Variants in AIMP1 observed in about 807,000 individuals in gnomAD.
AIMP1 encodes the protein aminoacyl tRNA synthase complex-interacting multifunctional protein 1.
A neutral mutation model predicts 33.1 loss-of-function variants in AIMP1; 24 were observed. That is an observed-to-expected ratio of 0.73 (90% CI 0.53 to 1.02). The LOEUF (loss-of-function observed/expected upper bound fraction) is 1.02, where lower values mean the gene tolerates loss of function less well. Among genes scored for constraint, AIMP1 ranks in the 50% least tolerant of loss-of-function variants. The pLI, the probability that AIMP1 is intolerant of heterozygous loss-of-function variation, is 0.00. For synonymous variants in AIMP1, 120 were observed against 121.5 expected, an observed-to-expected ratio of 0.99 and a Z score of 0.08; for missense variants, 367 against 364.8, an observed-to-expected ratio of 1.01 and a Z score of -0.05.
At chr4:106,330,090 C>T (rs1769617458) in intron 4 of AIMP1, among the ~76,000 whole-genome samples, 1 of 151,982 alleles carries the variant, frequency 6.6e-6, no homozygotes, top group South Asian at 2.1e-4. Flanking sequence ...GCTAGACTGC[C>T]ACATATCTTA....
intron 1 of AIMP1, among the ~76,000 whole-genome samples, chr4:106,317,839 A>G (rs1292602011): frequency 6.6e-6 from 1 of 152,188 alleles, no homozygotes; most frequent in Non-Finnish European, 1.5e-5. Context: ...GTTAGGGTAT[A>G]TTATAGGTAT....
chr4:106,318,513 A>G (rs1579623730), intron 1 of AIMP1, among the ~76,000 whole-genome samples: 1 of 152,300 alleles, frequency 6.6e-6, no homozygotes, highest in East Asian at 1.9e-4. Flanking sequence ...GAGGAGAAGA[A>G]AGGAAGAAAA....
intron 6 of AIMP1, among the ~76,000 whole-genome samples, chr4:106,341,692 C>A (rs562798705): frequency 3.3e-5 from 5 of 151,976 alleles, no homozygotes; most frequent in African/African-American, 7.3e-5. Context: ...GTTACTGTAG[C>A]CTTGTAGTAT....
rs1222040543 is a variant in AIMP1 at position 106,347,526 on chromosome 4, G to C, written c.773G>C (p.Gly258Ala). 2 of 1,612,300 alleles carry C rather than the reference G, an allele frequency of 1.2e-6. No individual in the cohort carries two copies. Among genetic ancestry groups the C allele is most frequent in the African/African-American group, 2.7e-5 (2 of 74,768 alleles). The change falls in exon 7 of 7, where the codon GGA becomes GCA. Residue 258 changes from glycine (G) to alanine (A), a missense_variant and splice_region_variant. Transcript: ENST00000672341. The part of the protein sequence containing the change: ...GDRITFDAFP[G>A]EPDKELNPKK... The stretch of plus-strand genomic sequence containing the variant: ...CTTGTGCTTTTTTTCTCCTACACAG[G>C]AGAGCCTGACAAGGAGCTGAATCCT...
At position 106,343,838 on chromosome 4, in the gene AIMP1, G is replaced by T. The variant is rs554935707; in HGVS notation, c.773-3688G>T. ...TTACAGTCAGACTTTTAATTTCCAA[G>T]ATCATGCTTATTTCTATTGATATCG... On this transcript the variant is annotated intron_variant, in intron 6 of 6. Transcript: ENST00000672341. Among the ~76,000 whole-genome samples, 7 of 152,236 alleles carry T rather than the reference G, an allele frequency of 4.6e-5. 1 individual carries two copies. The highest frequency in any genetic ancestry group is 1.7e-4 in the African/African-American group (7 of 41,528).
rs115610937 is a variant in AIMP1, at chr4:106,341,038, C to T, written c.772+4001C>T. ...GTTGAGTGTTTTTGATATTTGTTGGCGACATATATGTCTTCTGTTGAGAAG... is the reference window on the plus strand; with the variant it reads ...GTTGAGTGTTTTTGATATTTGTTGGTGACATATATGTCTTCTGTTGAGAAG... On this transcript the variant is annotated intron_variant, in intron 6 of 6. Transcript: ENST00000672341. Among the ~76,000 whole-genome samples, 480 of 152,074 alleles carry T rather than the reference C, an allele frequency of 3.2e-3. 2 individuals carry two copies. The highest frequency in any genetic ancestry group is 0.011 in the African/African-American group (445 of 41,488).
chr4:106,347,766 C>A lies in AIMP1; in HGVS notation c.*74C>A. On this transcript the variant is annotated 3_prime_UTR_variant, in exon 7 of 7. Coordinates refer to ENST00000672341, the MANE Select transcript of AIMP1 (RefSeq NM_001142416.2). ...AGAGAAATATATTTGTCACTTATAC[C>A]TAAAATATGAGTGGCTCATTTTTGC... 1 of 1,485,270 alleles carries A rather than the reference C, an allele frequency of 6.7e-7. No homozygotes were observed. Among genetic ancestry groups the A allele is most frequent in the East Asian group, 2.5e-5 (1 of 40,440 alleles). The allele number at this position is 1,485,270 out of a possible 1,614,324, so 92.0% of individuals were successfully genotyped here.
At chr4:106,330,611 A>G (rs986599662) in intron 4 of AIMP1, among the ~76,000 whole-genome samples, 4 of 152,146 alleles carry the variant, frequency 2.6e-5, no homozygotes, top group African/African-American at 9.7e-5. Flanking sequence ...TTCTTTGTGT[A>G]TGTCATGTTT....
At chr4:106,316,691 C>A in intron 1 of AIMP1, 97 bp downstream of exon 1, 2 of 1,227,964 alleles carry the variant, frequency 1.6e-6, no homozygotes, top group Non-Finnish European at 2.3e-6. Context: ...GAGGACCTGG[C>A]CTGCGCTGCT....
chr4:106,329,743 C>T (rs1368544745), intron 4 of AIMP1, among the ~76,000 whole-genome samples: 2 of 148,884 alleles, frequency 1.3e-5, no homozygotes, highest in South Asian at 2.2e-4. Context: ...GCTGTGGTGC[C>T]CATATGATCT....
At chr4:106,333,861 A>G (rs978439555) in intron 5 of AIMP1, among the ~76,000 whole-genome samples, 37 of 152,138 alleles carry the variant, frequency 2.4e-4, no homozygotes, top group African/African-American at 8.9e-4. Flanking sequence ...ATAAGCTTTC[A>G]AACCTCCTTC....
chr4:106,335,711 G>A (rs761359086), intron 5 of AIMP1, among the ~76,000 whole-genome samples: 30 of 151,966 alleles, frequency 2.0e-4, no homozygotes, highest in African/African-American at 5.8e-4. Context: ...AATTCATTTC[G>A]AATTTGACTC....
chr4:106,316,070 G>C (rs1351502409), upstream of AIMP1: 5 of 153,956 alleles, frequency 3.2e-5, no homozygotes, highest in South Asian at 7.8e-4. Context: ...TCCTACAAAA[G>C]AGGCCACTCC....
chr4:106,327,340 C>G (rs1425460931), intron 2 of AIMP1, 111 bp from the exon 3 acceptor site: 1 of 751,400 alleles, frequency 1.3e-6, no homozygotes, highest in Non-Finnish European at 2.3e-6. Context: ...TTTGGTTACA[C>G]TAGAGCTAGT....
rs535362033 is a variant in AIMP1, at chr4:106,331,340, G to C, written c.392-332G>C. 5.9e-5 allele frequency among the ~76,000 whole-genome samples: 9 copies of C among 152,278 alleles called. No homozygotes were observed. In the South Asian group the frequency reaches 1.9e-3, roughly 32 times the overall value. On this transcript the variant is annotated intron_variant, in intron 4 of 6. Transcript: ENST00000672341. The stretch of plus-strand genomic sequence containing the variant: ...CTGCCCTGGTGCAAAAGTATCCATA[G>C]ATGATATGTAAATGAATGAATATGG...
At chr4:106,317,837 A>T (rs1769026359) in intron 1 of AIMP1, among the ~76,000 whole-genome samples, 1 of 152,178 alleles carries the variant, frequency 6.6e-6, no homozygotes, top group Non-Finnish European at 1.5e-5. Context: ...AGGTTAGGGT[A>T]TATTATAGGT....
At chr4:106,325,146 G>C (rs1279128297) in intron 2 of AIMP1, 28 bp downstream of exon 2, 1 of 1,576,708 alleles carries the variant, frequency 6.3e-7, no homozygotes, top group Non-Finnish European at 8.7e-7. Context: ...TTTTTGAGGA[G>C]ATACTTAAAA....
In AIMP1 at chr4:106,316,594, T is replaced by A; in HGVS notation, c.-26T>A. 2 of 1,551,506 alleles carry A rather than the reference T, an allele frequency of 1.3e-6. No individual in the cohort carries two copies. The highest frequency in any genetic ancestry group is 1.7e-6 in the Non-Finnish European group (2 of 1,146,894). Reference sequence around the variant, plus strand: ...TCGGAACCCGTGGTCCTCCGCTTCATGTGAGTGACGTCGTGGCGGGTCACT... The same window carrying A: ...TCGGAACCCGTGGTCCTCCGCTTCAAGTGAGTGACGTCGTGGCGGGTCACT... On this transcript the variant is annotated splice_region_variant and 5_prime_UTR_variant, in exon 1 of 7. An upstream start codon of the reference 5' UTR is lost. Transcript: ENST00000672341.
At chr4:106,343,357 C>T (rs546158056) in intron 6 of AIMP1, among the ~76,000 whole-genome samples, 11 of 151,924 alleles carry the variant, frequency 7.2e-5, no homozygotes, top group South Asian at 2.1e-4. Flanking sequence ...TAAAATTCTC[C>T]GTTAACTGTG....
Sources: gnomAD v4.1 joint callset for allele counts (sites outside exome capture counted in the v4.1 genomes callset) on GRCh38, gnomAD v4.1.1 for gene constraint, MANE v1.5 for transcripts, NCBI Gene and HGNC (gene_info 2026-07-23, HGNC 2026-07-21) for gene names.